The following PTCHD4 variants were observed in gnomAD, a reference collection of about 807,000 sequenced individuals.
The protein encoded by PTCHD4 is patched domain-containing protein 4.
Under a neutral mutation model 58.1 loss-of-function variants are expected in PTCHD4, and 33 were observed. That is an observed-to-expected ratio of 0.57 (90% CI 0.43 to 0.76). The LOEUF is 0.76. Among genes scored for constraint, PTCHD4 ranks in the 30% least tolerant of loss-of-function variants. PTCHD4 has a pLI of 0.00. For missense variants in PTCHD4, 1,058 were observed against 1,027.1 expected, an observed-to-expected ratio of 1.03 and a Z score of -0.41; for synonymous variants, 478 against 409.6, an observed-to-expected ratio of 1.17 and a Z score of -2.02.
intron 4 of PTCHD4, among the ~76,000 whole-genome samples, chr6:47,888,643 GTTTGTT>G (rs947321214): frequency 1.2e-4 from 18 of 151,922 alleles, no homozygotes; most frequent in African/African-American, 1.5e-4. Context: ...TTGTTTGTTT[GTTTGTT>G]TTTGTTTTTG....
At chr6:48,044,052 A>T (rs1763946003) in intron 3 of PTCHD4, among the ~76,000 whole-genome samples, 1 of 151,826 alleles carries the variant, frequency 6.6e-6, no homozygotes. Context: ...GACCCAGTGA[A>T]ATTCTTATTT....
chr6:48,051,476 A>G (rs548842977), intron 3 of PTCHD4, among the ~76,000 whole-genome samples: 18 of 152,130 alleles, frequency 1.2e-4, no homozygotes, highest in Non-Finnish European at 1.8e-4. Context: ...ACACTAGGGA[A>G]AAAAGACCAA....
In PTCHD4 at chr6:47,870,864, T is replaced by G. The variant is rs1763697463; in HGVS notation, c.*7439A>C. On this transcript the variant is annotated 3_prime_UTR_variant, in exon 5 of 5. Coordinates refer to ENST00000339488, the MANE Select transcript of PTCHD4 (RefSeq NM_001384253.1). ...CTAAAATGGCTTTGTTTGTACTATT[T>G]TGGGAGTGATAAATGAGGCTGTTTT... Among the ~76,000 whole-genome samples, 1 of 151,592 alleles carries G rather than the reference T, an allele frequency of 6.6e-6. No homozygotes were observed. The highest frequency in any genetic ancestry group is 2.4e-5 in the African/African-American group (1 of 41,374).
Position 47,863,573 on chromosome 6 carries a change from G to C in PTCHD4, c.*14730C>G, listed in dbSNP as rs564515846. Among the ~76,000 whole-genome samples the C allele has an allele frequency of 2.0e-5, 3 of 151,904 alleles. No homozygotes were observed. The highest frequency in any genetic ancestry group is 4.4e-5 in the Non-Finnish European group (3 of 67,900). ...AGAAACAAGTATTTTTAGTATAGTA[G>C]ATTCCAAATATTGCATGAAACATAC... On this transcript the variant is annotated 3_prime_UTR_variant, in exon 5 of 5. Coordinates refer to ENST00000339488, the MANE Select transcript of PTCHD4 (RefSeq NM_001384253.1).
At chr6:48,087,436 A>G (rs2113898987) in intron 1 of PTCHD4, among the ~76,000 whole-genome samples, 1 of 152,318 alleles carries the variant, frequency 6.6e-6, no homozygotes, top group South Asian at 2.1e-4. Flanking sequence ...GTTACTAATA[A>G]GGAATTATAA....
At chr6:48,052,182 G>A (rs890928412) in intron 3 of PTCHD4, among the ~76,000 whole-genome samples, 17 of 152,034 alleles carry the variant, frequency 1.1e-4, no homozygotes, top group African/African-American at 3.9e-4. Flanking sequence ...TATGCACTTA[G>A]GAGGTGCATT....
chr6:47,902,112 T>A (rs1764728678), intron 4 of PTCHD4, among the ~76,000 whole-genome samples: 1 of 152,208 alleles, frequency 6.6e-6, no homozygotes, highest in Non-Finnish European at 1.5e-5. Flanking sequence ...CATCTTCATG[T>A]CCCTCTCACA....
intron 4 of PTCHD4, among the ~76,000 whole-genome samples, chr6:47,988,293 A>G (rs1768152464): frequency 6.6e-6 from 1 of 152,218 alleles, no homozygotes. Flanking sequence ...CCACTTTGGA[A>G]GAGACAACAC....
At position 47,864,504 on chromosome 6, in the gene PTCHD4, A is replaced by AT. The variant is rs1360444017; in HGVS notation, c.*13798dup. 2.6e-5 allele frequency among the ~76,000 whole-genome samples: 4 copies of AT among 151,582 alleles called. No homozygotes were observed. The highest frequency in any genetic ancestry group is 6.6e-5 in the Admixed American group (1 of 15,202). On this transcript the variant is annotated 3_prime_UTR_variant, in exon 5 of 5. Transcript: ENST00000339488. ...AATAAAGGGGTTAATAGATAATTAC[A>AT]TTTTTTTTGAGTAAGCTACCTGGTG...
intron 3 of PTCHD4, among the ~76,000 whole-genome samples, chr6:48,009,450 C>T (rs1307508929): frequency 6.6e-6 from 1 of 152,164 alleles, no homozygotes; most frequent in African/African-American, 2.4e-5. Flanking sequence ...ATCCTTAATA[C>T]AAGATCAAGT....
Position 48,068,657 on chromosome 6 carries a change from T to C in PTCHD4, c.6-16A>G, listed in dbSNP as rs1300592224. On this transcript the variant is annotated splice_polypyrimidine_tract_variant and intron_variant, in intron 2 of 4. Transcript: ENST00000339488. This position sits in a 1 kb window ranked among gnomAD's most constrained non-coding sequence, Gnocchi z 4.2. ...TCCCGGCCGTCTTAAAAAGCACATG[T>C]GACATGTGTAAGCGCCGGGCTACCC... 1.3e-6 allele frequency: 2 copies of C among 1,534,438 alleles called. No homozygotes were observed. Among genetic ancestry groups the C allele is most frequent in the South Asian group, 2.4e-5 (2 of 83,742 alleles).
At chr6:48,095,008 A>G (rs1412988686) in intron 1 of PTCHD4, among the ~76,000 whole-genome samples, 2 of 152,182 alleles carry the variant, frequency 1.3e-5, no homozygotes, top group Admixed American at 6.5e-5. Context: ...TTTTGGGGAC[A>G]GGGTAGTATA....
Position 47,879,203 on chromosome 6 carries a change from T to C in PTCHD4, c.1632A>G (p.Ala544=), listed in dbSNP as rs750665962. 6.2e-7 allele frequency: 1 copy of C among 1,612,916 alleles called. No individual in the cohort carries two copies. The highest frequency in any genetic ancestry group is 1.7e-5 in the Admixed American group (1 of 59,912). The change falls in exon 5 of 5, where the codon GCA becomes GCG. Residue 544 remains alanine, a synonymous_variant. Coordinates refer to ENST00000339488, the MANE Select transcript of PTCHD4 (RefSeq NM_001384253.1). ...GGTAGTACTGCTCCACCCAGGACAC[T>C]GCAGTGAATCCACTACAGAGTCTTC... ...DLRRLCSGFT[A]VSWVEQYYQF...
At chr6:47,990,286 T>G (rs1057395709) in intron 4 of PTCHD4, among the ~76,000 whole-genome samples, 1 of 152,148 alleles carries the variant, frequency 6.6e-6, no homozygotes, top group South Asian at 2.1e-4. Context: ...TTTGGGTGAA[T>G]GCTGAAATGA....
intron 3 of PTCHD4, among the ~76,000 whole-genome samples, chr6:48,034,714 A>G (rs1361025169): frequency 2.0e-5 from 3 of 152,276 alleles, no homozygotes; most frequent in South Asian, 2.1e-4. Context: ...CAGCACTTCC[A>G]TCGGATCTAA....
chr6:48,030,317 C>G (rs1562015999), intron 3 of PTCHD4, among the ~76,000 whole-genome samples: 1 of 151,998 alleles, frequency 6.6e-6, no homozygotes, highest in Non-Finnish European at 1.5e-5. Flanking sequence ...AATTATGGCA[C>G]ACTTTTGAGG....
At chr6:47,910,654 G>A (rs1269734112) in intron 4 of PTCHD4, among the ~76,000 whole-genome samples, 1 of 151,902 alleles carries the variant, frequency 6.6e-6, no homozygotes, top group African/African-American at 2.4e-5. Context: ...TAAATCTCTG[G>A]TATGGCATCA....
chr6:47,894,094 C>A (rs1179760394), intron 4 of PTCHD4, among the ~76,000 whole-genome samples: 1 of 152,146 alleles, frequency 6.6e-6, no homozygotes, highest in African/African-American at 2.4e-5. Context: ...GTTCTATCAG[C>A]CCATGGGGCA....
At chr6:48,038,726 G>T (rs772730634) in intron 3 of PTCHD4, among the ~76,000 whole-genome samples, 1 of 151,562 alleles carries the variant, frequency 6.6e-6, no homozygotes, top group Non-Finnish European at 1.5e-5. Context: ...TTGATTTAAG[G>T]CATGATATTT....
Sources: allele counts gnomAD v4.1 joint callset (sites outside exome capture counted in the v4.1 genomes callset), GRCh38; gene constraint gnomAD v4.1.1; non-coding constraint Gnocchi (gnomAD v3.1); transcripts MANE v1.5; gene names NCBI Gene and HGNC (gene_info 2026-07-23, HGNC 2026-07-21).